MAST2: variants seen among roughly 807,000 people sequenced by gnomAD.
MAST2 encodes microtubule-associated serine/threonine-protein kinase 2.
In MAST2, 70 loss-of-function variants were observed where a neutral mutation model predicts 147.4. The ratio of observed to expected loss-of-function variants is 0.47; its 90% CI spans 0.39 to 0.58. The LOEUF is 0.58. Among genes scored for constraint, MAST2 ranks in the 20% least tolerant of loss-of-function variants. The pLI, the probability that MAST2 is intolerant of heterozygous loss-of-function variation, is 0.00. For synonymous variants in MAST2, 869 were observed against 896.8 expected, an observed-to-expected ratio of 0.97 and a Z score of 0.55; for missense variants, 2,080 against 2,302.3, an observed-to-expected ratio of 0.90 and a Z score of 1.98.
At chr1:46,010,350 T>C (rs1645662040) in intron 9 of MAST2, among the ~76,000 whole-genome samples, 1 of 152,046 alleles carries the variant, frequency 6.6e-6, no homozygotes, top group Non-Finnish European at 1.5e-5. Context: ...AATTAGGAGT[T>C]TGTCAGGCAG....
intron 4 of MAST2, among the ~76,000 whole-genome samples, chr1:45,929,921 G>A (rs1177412224): frequency 6.6e-6 from 1 of 152,012 alleles, no homozygotes. Context: ...ACAGTCTATG[G>A]TTATACTATT....
chr1:45,834,903 C>CAA (rs1645058758), intron 3 of MAST2, among the ~76,000 whole-genome samples: 1 of 151,944 alleles, frequency 6.6e-6, no homozygotes, highest in South Asian at 2.1e-4. Context: ...TACTGTCTTT[C>CAA]CATCCGCCCA....
chr1:46,025,832 T>C lies in MAST2; in HGVS notation c.1919+17T>C, dbSNP rs878927860. On this transcript the variant is annotated intron_variant, in intron 16 of 28. Coordinates refer to ENST00000361297, the MANE Select transcript of MAST2 (RefSeq NM_015112.3). ...GCCTGACAAGTATGTCCACAGTCTG[T>C]GTCCCTTGTCCAGGGTCTCCCTCTT... 2.5e-6 allele frequency: 4 copies of C among 1,614,038 alleles called. No homozygotes were observed. The East Asian group carries it at 6.7e-5, about 27-fold the overall frequency.
At chr1:45,906,654 A>C (rs1200494095) in intron 4 of MAST2, among the ~76,000 whole-genome samples, 1 of 148,316 alleles carries the variant, frequency 6.7e-6, no homozygotes, top group Non-Finnish European at 1.5e-5. Flanking sequence ...CAATTATATA[A>C]TATATAATTA....
chr1:46,013,004 T>A (rs533416374), intron 10 of MAST2, among the ~76,000 whole-genome samples: 1 of 151,946 alleles, frequency 6.6e-6, no homozygotes, highest in Non-Finnish European at 1.5e-5. Context: ...TGAACGGCCT[T>A]GTGAGGAGCT....
chr1:45,894,167 G>T (rs1455827320), intron 4 of MAST2, among the ~76,000 whole-genome samples: 1 of 151,464 alleles, frequency 6.6e-6, no homozygotes, highest in Non-Finnish European at 1.5e-5. Context: ...AGTGAACTGA[G>T]ATCATGCCAC....
rs1644055736 is a variant in MAST2 at position 45,803,691 on chromosome 1, G to A, written c.-205G>A. 3.0e-6 allele frequency: 1 copy of A among 336,778 alleles called. No homozygotes were observed. Among genetic ancestry groups the A allele is most frequent in the Non-Finnish European group, 5.3e-6 (1 of 189,740 alleles). 20.9% of individuals were successfully genotyped at this position (336,778 alleles called of 1,614,324 possible). The stretch of plus-strand genomic sequence containing the variant: ...GAGAAGGCGAGGCGTCAGCGATGCT[G>A]TCTCTTCCGTGAGGAGCGCAGAGGA... On this transcript the variant is annotated 5_prime_UTR_variant, in exon 1 of 29. Coordinates refer to ENST00000361297, the MANE Select transcript of MAST2 (RefSeq NM_015112.3).
At chr1:45,833,633 G>A (rs114575477) in intron 3 of MAST2, among the ~76,000 whole-genome samples, 176 of 152,110 alleles carry the variant, frequency 1.2e-3, no homozygotes, top group South Asian at 5.2e-3. Flanking sequence ...CTGGTGGGTG[G>A]GAAGTGATAT....
intron 21 of MAST2, 130 bp from the exon 22 acceptor site, chr1:46,030,477 C>T: frequency 1.8e-6 from 2 of 1,095,756 alleles, no homozygotes; most frequent in Non-Finnish European, 2.6e-6. Flanking sequence ...AAATATTCAG[C>T]AGGGGTGTGT....
intron 4 of MAST2, among the ~76,000 whole-genome samples, chr1:45,931,564 A>G (rs1038436062): frequency 6.6e-6 from 1 of 151,498 alleles, no homozygotes. Context: ...ATCTGGGCTC[A>G]CTGCAACCTC....
intron 5 of MAST2, among the ~76,000 whole-genome samples, chr1:45,964,426 C>T (rs375761578): frequency 7.2e-5 from 11 of 152,120 alleles, no homozygotes; most frequent in Non-Finnish European, 1.5e-4. Context: ...GATTCAACTT[C>T]CTCCTGGTTT....
At chr1:45,886,937 C>T (rs926992889) in intron 4 of MAST2, among the ~76,000 whole-genome samples, 8 of 152,168 alleles carry the variant, frequency 5.3e-5, no homozygotes, top group African/African-American at 1.7e-4. Flanking sequence ...AGGAGATCTT[C>T]CCATCACAGC....
At chr1:45,930,636 A>G (rs1170078150) in intron 4 of MAST2, among the ~76,000 whole-genome samples, 1 of 152,134 alleles carries the variant, frequency 6.6e-6, no homozygotes, top group Admixed American at 6.6e-5. Context: ...ACCCCTATTC[A>G]GTCATTCCCA....
intron 4 of MAST2, among the ~76,000 whole-genome samples, chr1:45,952,698 T>TA (rs990410543): frequency 2.5e-4 from 38 of 152,290 alleles, no homozygotes; most frequent in Non-Finnish European, 3.7e-4. Flanking sequence ...AGAAAAAAGT[T>TA]ACTCTGAACA....
At chr1:45,831,133 T>A (rs900086928) in intron 3 of MAST2, among the ~76,000 whole-genome samples, 6 of 152,128 alleles carry the variant, frequency 3.9e-5, no homozygotes, top group Non-Finnish European at 8.8e-5. Flanking sequence ...GCTTTGTTTC[T>A]GCCTGTTGTT....
chr1:45,813,420 C>G lies in MAST2; in HGVS notation c.177+9348C>G, dbSNP rs190577714. On this transcript the variant is annotated intron_variant, in intron 1 of 28. Transcript: ENST00000361297. ...TCTCAGCTCACTGGAACCTCTGCCT[C>G]CTGGGTTCAAGCAATTCTCCTGCCT... Among the ~76,000 whole-genome samples the G allele has an allele frequency of 6.7e-4, 101 of 151,738 alleles. 1 individual carries two copies. Among genetic ancestry groups the G allele is most frequent in the African/African-American group, 2.3e-3 (95 of 41,378 alleles).
At chr1:45,913,599 A>G in intron 4 of MAST2, 1 of 993,728 alleles carries the variant, frequency 1.0e-6, no homozygotes, top group Non-Finnish European at 1.2e-6. Flanking sequence ...TTCATTTGGG[A>G]TCTGGAACTT....
At chr1:45,961,656 A>G (rs1660436756) in intron 5 of MAST2, among the ~76,000 whole-genome samples, 1 of 152,228 alleles carries the variant, frequency 6.6e-6, no homozygotes, top group African/African-American at 2.4e-5. Context: ...AAGAATGGAC[A>G]TAAAAGCCCA....
chr1:45,954,663 G>A (rs1284747468), intron 4 of MAST2, among the ~76,000 whole-genome samples: 1 of 152,192 alleles, frequency 6.6e-6, no homozygotes, highest in Non-Finnish European at 1.5e-5. Flanking sequence ...AATGGCCAGA[G>A]CCTGTTGAAA....
Sources: allele counts gnomAD v4.1 joint callset (sites outside exome capture counted in the v4.1 genomes callset), GRCh38; gene constraint gnomAD v4.1.1; transcripts MANE v1.5; gene names NCBI Gene and HGNC (gene_info 2026-07-23, HGNC 2026-07-21).